MYO1F: variants seen among roughly 807,000 people sequenced by gnomAD.
MYO1F encodes the protein myosin IF.
In MYO1F, 60 loss-of-function variants were observed where a neutral mutation model predicts 146.6. The ratio of observed to expected loss-of-function variants is 0.41; its 90% CI spans 0.33 to 0.51. MYO1F has a LOEUF of 0.51. Among genes scored for constraint, MYO1F ranks in the 20% least tolerant of loss-of-function variants. MYO1F has a pLI of 0.25. For synonymous variants in MYO1F, 602 were observed against 602.1 expected, an observed-to-expected ratio of 1.00 and a Z score of 0.00; for missense variants, 1,274 against 1,534.3, an observed-to-expected ratio of 0.83 and a Z score of 2.83.
In MYO1F at chr19:8,536,600, G is replaced by C; in HGVS notation, c.1800-3C>G. ...GGTATTCCACCTGGTGCTTGACTCT[G>C]GTGGGGAGGGTAGGCTGAGTCCCCT... is the stretch of plus-strand genomic sequence containing the variant. On this transcript the variant is annotated splice_polypyrimidine_tract_variant and splice_region_variant and intron_variant, in intron 17 of 27. Coordinates refer to ENST00000644032, the MANE Select transcript of MYO1F (RefSeq NM_012335.4). 1.2e-6 allele frequency: 2 copies of C among 1,607,182 alleles called. No individual in the cohort carries two copies. The highest frequency in any genetic ancestry group is 1.7e-6 in the Non-Finnish European group (2 of 1,178,554).
rs1461968680 is a variant in MYO1F at position 8,543,997 on chromosome 19, T to TGGC, written c.1524+299_1524+300insGCC. 2.2e-3 allele frequency: 586 copies of TGGC among 267,558 alleles called. 31 individuals carry two copies. The highest frequency in any genetic ancestry group is 0.019 in the African/African-American group (412 of 21,354). The allele number at this position is 267,558 out of a possible 1,614,324, so 16.6% of individuals were successfully genotyped here. ...CTGGTGCTGGTGCTGGTGGTGGTGCTGGTGGTGGCGGTGGCGGTGGCGGTG... is the reference window on the plus strand; with the variant it reads ...CTGGTGCTGGTGCTGGTGGTGGTGCTGGCGGTGGTGGCGGTGGCGGTGGCGGTG... On this transcript the variant is annotated intron_variant, in intron 14 of 27. Coordinates refer to ENST00000644032, the MANE Select transcript of MYO1F (RefSeq NM_012335.4).
chr19:8,545,787 AC>A lies in MYO1F; in HGVS notation c.1270-52del, dbSNP rs745551971. On this transcript the variant is annotated intron_variant, in intron 12 of 27. Coordinates refer to ENST00000644032, the MANE Select transcript of MYO1F (RefSeq NM_012335.4). ...GGGGGCCAGTGAAAAAGTTGTGGCC[AC>A]CCTTCCCCCCATGTCCTCTCCCCTT... 18 of 1,329,336 alleles carry A rather than the reference AC, an allele frequency of 1.4e-5. No individual in the cohort carries two copies. The East Asian group carries it at 3.9e-4, about 29-fold the overall frequency. The allele number at this position is 1,329,336 out of a possible 1,614,324, so 82.3% of individuals were successfully genotyped here.
At chr19:8,550,426 C>T (rs1258919053) in intron 9 of MYO1F, 70 bp from the exon 10 acceptor site, 11 of 1,585,510 alleles carry the variant, frequency 6.9e-6, no homozygotes, top group African/African-American at 1.4e-5. Flanking sequence ...CATGGGCCTC[C>T]TATTATCCCC....
intron 1 of MYO1F, among the ~76,000 whole-genome samples, chr19:8,574,699 CTCTT>C (rs138541618): frequency 0.44 from 60,973 of 137,500 alleles, 14,720 homozygotes; most frequent in East Asian, 0.74. Context: ...TTCTCTTTCT[CTCTT>C]TCTTTCTTTT....
chr19:8,548,494 A>G (rs1281954979), intron 10 of MYO1F, among the ~76,000 whole-genome samples, 177 bp from the exon 11 acceptor site: 1 of 151,950 alleles, frequency 6.6e-6, no homozygotes, highest in Admixed American at 6.6e-5. Flanking sequence ...TCCCCACCCC[A>G]TAATCAGTCA....
intron 8 of MYO1F, 133 bp from the exon 9 acceptor site, chr19:8,550,827 C>A: frequency 8.5e-7 from 1 of 1,183,342 alleles, no homozygotes; most frequent in Non-Finnish European, 1.2e-6. Context: ...CCCTTTCAGT[C>A]ACTTGCCGCG....
At position 8,554,472 on chromosome 19, in the gene MYO1F, C is replaced by T; in HGVS notation, c.326+5G>A. The T allele has an allele frequency of 6.2e-7, 1 of 1,602,892 alleles. No individual in the cohort carries two copies. The highest frequency in any genetic ancestry group is 1.3e-5 in the African/African-American group (1 of 74,754). Reference sequence around the variant, plus strand: ...GGGTCTGTGGCCCCCCAACTCTGTCCATACCTAATGATGACACACTGGTTC... The same window carrying T: ...GGGTCTGTGGCCCCCCAACTCTGTCTATACCTAATGATGACACACTGGTTC... On this transcript the variant is annotated splice_donor_5th_base_variant and intron_variant, in intron 4 of 27. Coordinates refer to ENST00000644032, the MANE Select transcript of MYO1F (RefSeq NM_012335.4).
At chr19:8,560,873 G>T (rs1320475250) in intron 1 of MYO1F, among the ~76,000 whole-genome samples, 1 of 151,876 alleles carries the variant, frequency 6.6e-6, no homozygotes, top group Admixed American at 6.6e-5. Context: ...CGAGTAGCTG[G>T]GACTACAGGC....
chr19:8,563,455 G>A (rs753258822), intron 1 of MYO1F, among the ~76,000 whole-genome samples: 6 of 151,560 alleles, frequency 4.0e-5, no homozygotes, highest in African/African-American at 7.3e-5. Flanking sequence ...GCACCACCAC[G>A]CCCAGCTAAC....
chr19:8,562,914 A>G (rs1423561733), intron 1 of MYO1F, among the ~76,000 whole-genome samples: 2 of 152,128 alleles, frequency 1.3e-5, no homozygotes, highest in Non-Finnish European at 2.9e-5. Flanking sequence ...TGGGACTGTC[A>G]TACTTGTTTA....
intron 27 of MYO1F, among the ~76,000 whole-genome samples, chr19:8,521,824 T>G (rs74493937): frequency 6.6e-6 from 1 of 151,856 alleles, no homozygotes. Context: ...GTTTTTTTTT[T>G]GTAAATCTTT....
intron 1 of MYO1F, among the ~76,000 whole-genome samples, chr19:8,563,379 C>CCT (rs1201631347): frequency 6.6e-6 from 1 of 150,870 alleles, no homozygotes; most frequent in Non-Finnish European, 1.5e-5. Flanking sequence ...CTCACTGCAA[C>CCT]CTCTGCTTCC....
At chr19:8,557,865 T>C (rs1387135801) in intron 1 of MYO1F, among the ~76,000 whole-genome samples, 2 of 152,150 alleles carry the variant, frequency 1.3e-5, no homozygotes, top group African/African-American at 4.8e-5. Context: ...CTCTGTGGCA[T>C]TTGATCCACT....
intron 17 of MYO1F, 33 bp downstream of exon 17, chr19:8,536,916 G>A (rs2145855463): frequency 7.6e-7 from 1 of 1,312,402 alleles, no homozygotes; most frequent in Admixed American, 1.9e-5. Flanking sequence ...GGGCCTGGGG[G>A]GAATGAATCT....
intron 14 of MYO1F, among the ~76,000 whole-genome samples, chr19:8,543,756 G>C (rs571368104): frequency 3.7e-3 from 36 of 9,722 alleles, no homozygotes; most frequent in African/African-American, 0.013. Flanking sequence ...GGTGGTGGTG[G>C]TGGTGGTGGT....
intron 12 of MYO1F, among the ~76,000 whole-genome samples, chr19:8,546,056 C>CTTTTTTTT (rs58638075): frequency 2.8e-4 from 27 of 94,932 alleles, no homozygotes; most frequent in Non-Finnish European, 4.7e-4. Context: ...TATTTTGACT[C>CTTTTTTTT]TTTTTTTTTT....
chr19:8,540,776 T>G (rs2145869449), intron 15 of MYO1F, among the ~76,000 whole-genome samples: 1 of 151,638 alleles, frequency 6.6e-6, no homozygotes, highest in South Asian at 2.1e-4. Context: ...TTGCTAAACG[T>G]CATGGATTGA....
rs1338272900 is a variant in MYO1F at position 8,550,718 on chromosome 19, C to A, written c.772-24G>T. The stretch of plus-strand genomic sequence containing the variant: ...CTCTGTGGTACAACGGGGGCAGAAA[C>A]TGTGCCGTGAATCCTGGCCTCCAAC... On this transcript the variant is annotated intron_variant, in intron 8 of 27. Transcript: ENST00000644032. 58 of 1,613,526 alleles carry A rather than the reference C, an allele frequency of 3.6e-5. No homozygotes were observed. In the East Asian group the frequency reaches 1.2e-3, roughly 34 times the overall value.
rs1045814558 is a variant in MYO1F, at chr19:8,527,016, G to A, written c.2475-81C>T. On this transcript the variant is annotated intron_variant, in intron 22 of 27. Transcript: ENST00000644032. The stretch of plus-strand genomic sequence containing the variant: ...GAGAGACAGATGAAGGTGGCTGAAG[G>A]TGGATTTAGGGAAGGGTCAGCTAAG... 4 of 1,569,128 alleles carry A rather than the reference G, an allele frequency of 2.5e-6. 1 individual carries two copies.
Sources: allele counts gnomAD v4.1 joint callset (sites outside exome capture counted in the v4.1 genomes callset), GRCh38; gene constraint gnomAD v4.1.1; transcripts MANE v1.5; gene names NCBI Gene and HGNC (gene_info 2026-07-23, HGNC 2026-07-21).